The following MYO3B variants were observed in gnomAD, a reference collection of about 807,000 sequenced individuals.
MYO3B encodes the protein myosin IIIB.
MYO3B carries 156 observed loss-of-function variants against 174.6 expected under a neutral mutation model. The observed-to-expected ratio is 0.89, with a 90% CI of 0.78 to 1.02. The LOEUF is 1.02. MYO3B is among the 50% of genes least tolerant of loss of function. The pLI is 0.00. For missense variants in MYO3B, 1,632 were observed against 1,639.4 expected (o/e 1.00, Z 0.08); for synonymous variants, 563 against 569.1 (o/e 0.99, Z 0.15).
At chr2:170,352,035 C>G (rs1455030024) in intron 8 of MYO3B, among the ~76,000 whole-genome samples, 2 of 152,178 alleles carry the variant, frequency 1.3e-5, no homozygotes, top group South Asian at 2.1e-4. Context: ...TCACTGCAAC[C>G]TCCGCCTCCC....
intron 25 of MYO3B, among the ~76,000 whole-genome samples, chr2:170,494,773 A>G (rs1686743783): frequency 6.6e-6 from 1 of 151,992 alleles, no homozygotes; most frequent in African/African-American, 2.4e-5. Context: ...AGAAAAAAGA[A>G]AAAGAAGTTA....
chr2:170,191,217 C>CCTCTTTA (rs1292362981), intron 1 of MYO3B, among the ~76,000 whole-genome samples: 1 of 151,714 alleles, frequency 6.6e-6, no homozygotes, highest in Non-Finnish European at 1.5e-5. Flanking sequence ...AAGACAAAGT[C>CCTCTTTA]CTCTTTACTC....
intron 6 of MYO3B, among the ~76,000 whole-genome samples, chr2:170,223,994 C>T (rs1001634934): frequency 6.6e-6 from 1 of 152,136 alleles, no homozygotes; most frequent in East Asian, 1.9e-4. Context: ...CTGTCTTTTA[C>T]CCTGGGACAT....
chr2:170,625,654 A>C (rs1696348302), intron 32 of MYO3B, among the ~76,000 whole-genome samples: 1 of 152,138 alleles, frequency 6.6e-6, no homozygotes, highest in Non-Finnish European at 1.5e-5. Context: ...TTAGGGTGTC[A>C]ATTTTAGATC....
At chr2:170,392,863 G>GTTTTGTTT (rs2094421564) in intron 16 of MYO3B, among the ~76,000 whole-genome samples, 1 of 150,262 alleles carries the variant, frequency 6.7e-6, no homozygotes, top group Non-Finnish European at 1.5e-5. Flanking sequence ...AATACTGTGG[G>GTTTTGTTT]TTTTTTTTCT....
At chr2:170,266,462 T>G (rs1407336610) in intron 7 of MYO3B, among the ~76,000 whole-genome samples, 1 of 152,202 alleles carries the variant, frequency 6.6e-6, no homozygotes, top group African/African-American at 2.4e-5. Context: ...AAATTATAAC[T>G]CTGGTTTTAG....
chr2:170,240,198 T>G (rs1353459176), intron 7 of MYO3B, among the ~76,000 whole-genome samples: 1 of 152,236 alleles, frequency 6.6e-6, no homozygotes, highest in Non-Finnish European at 1.5e-5. Flanking sequence ...TGAGTAGACA[T>G]ATCTTTTGGG....
intron 8 of MYO3B, among the ~76,000 whole-genome samples, chr2:170,354,667 G>A (rs1250549215): frequency 3.3e-5 from 5 of 152,092 alleles, no homozygotes; most frequent in Non-Finnish European, 5.9e-5. Flanking sequence ...TGCCTGCAAC[G>A]TCTGTGCTTT....
At position 170,383,209 on chromosome 2, in the gene MYO3B, C is replaced by T; in HGVS notation, c.1185+20C>T. On this transcript the variant is annotated intron_variant, in intron 11 of 34. Coordinates refer to ENST00000408978, the MANE Select transcript of MYO3B (RefSeq NM_138995.5). ...CCACAGGTAAGGGATGTTTTAAGAG[C>T]ATACTGCTCCTTAATAGGAAATTAA... is the stretch of plus-strand genomic sequence containing the variant. 1 of 1,382,586 alleles carries T rather than the reference C, an allele frequency of 7.2e-7. No individual in the cohort carries two copies. The highest frequency in any genetic ancestry group is 1.0e-6 in the Non-Finnish European group (1 of 975,780). The allele number at this position is 1,382,586 out of a possible 1,614,324, so 85.6% of individuals were successfully genotyped here.
At chr2:170,518,592 A>T (rs1412051092) in intron 29 of MYO3B, among the ~76,000 whole-genome samples, 1 of 152,152 alleles carries the variant, frequency 6.6e-6, no homozygotes, top group Non-Finnish European at 1.5e-5. Flanking sequence ...GGGTGTTTCT[A>T]ATGTACAGCC....
intron 7 of MYO3B, among the ~76,000 whole-genome samples, chr2:170,301,291 A>G (rs1422822237): frequency 6.6e-6 from 1 of 152,238 alleles, no homozygotes; most frequent in East Asian, 1.9e-4. Context: ...TTCTAAACTT[A>G]CATAAGTAAC....
At chr2:170,338,398 T>C (rs748908942) in intron 8 of MYO3B, among the ~76,000 whole-genome samples, 7 of 152,158 alleles carry the variant, frequency 4.6e-5, no homozygotes, top group Non-Finnish European at 7.4e-5. Context: ...TTTTTATTAG[T>C]GAAAAATTTT....
chr2:170,562,115 A>T (rs1476754046), intron 32 of MYO3B, among the ~76,000 whole-genome samples: 1 of 152,228 alleles, frequency 6.6e-6, no homozygotes, highest in Non-Finnish European at 1.5e-5. Context: ...GGAATTCTAA[A>T]GTTAGAACAT....
At chr2:170,452,787 TAAGAC>T (rs1683670681) in intron 23 of MYO3B, among the ~76,000 whole-genome samples, 1 of 152,086 alleles carries the variant, frequency 6.6e-6, no homozygotes, top group Admixed American at 6.5e-5. Context: ...AATAAAAAAT[TAAGAC>T]AGGAAATCAG....
intron 6 of MYO3B, among the ~76,000 whole-genome samples, chr2:170,220,624 G>C (rs1367995014): frequency 1.1e-5 from 1 of 87,096 alleles, no homozygotes; most frequent in Non-Finnish European, 2.0e-5. Flanking sequence ...GCCAGATTCC[G>C]TCTCAAAAAA....
chr2:170,366,679 G>A (rs140121202), intron 8 of MYO3B, among the ~76,000 whole-genome samples: 68 of 152,210 alleles, frequency 4.5e-4, no homozygotes, highest in African/African-American at 1.3e-3. Flanking sequence ...AGATTTACTC[G>A]TTAGTTTCTT....
intron 7 of MYO3B, among the ~76,000 whole-genome samples, chr2:170,282,746 C>T (rs11884023): frequency 0.38 from 57,189 of 151,938 alleles, 11,556 homozygotes; most frequent in African/African-American, 0.53. Flanking sequence ...CCTTGGGTAG[C>T]GTGCTAGAGT....
chr2:170,483,448 G>T (rs1022981005), intron 25 of MYO3B, among the ~76,000 whole-genome samples: 1 of 114,510 alleles, frequency 8.7e-6, no homozygotes, highest in Non-Finnish European at 1.6e-5. Context: ...GTGCAGTGGC[G>T]CGATCTCGGC....
intron 30 of MYO3B, among the ~76,000 whole-genome samples, chr2:170,542,096 ATG>A (rs1180487083): frequency 6.0e-5 from 4 of 67,220 alleles, no homozygotes; most frequent in Admixed American, 3.8e-4. Flanking sequence ...CCAAAGTCAC[ATG>A]TTTGTTGTGT....
Sources: allele counts gnomAD v4.1 joint callset (sites outside exome capture counted in the v4.1 genomes callset), GRCh38; gene constraint gnomAD v4.1.1; transcripts MANE v1.5; gene names NCBI Gene and HGNC (gene_info 2026-07-23, HGNC 2026-07-21).